Variants in FRRS1L observed in about 807,000 individuals in gnomAD.
The protein encoded by FRRS1L is DOMON domain-containing protein FRRS1L.
In FRRS1L, 22 loss-of-function variants were observed where a neutral mutation model predicts 28.6. That is an observed-to-expected ratio of 0.77 (90% CI 0.55 to 1.10). The LOEUF (loss-of-function observed/expected upper bound fraction) is 1.10. Among genes scored for constraint, FRRS1L ranks in the 50% least tolerant of loss-of-function variants. The pLI, the probability that FRRS1L is intolerant of heterozygous loss-of-function variation, is 0.00. For synonymous variants in FRRS1L, 158 were observed against 151.4 expected (o/e 1.04, Z -0.32); for missense variants, 380 against 386.9 (o/e 0.98, Z 0.15).
intron 4 of FRRS1L, chr9:109,139,092 G>A (rs7860532): frequency 0.16 from 23,884 of 152,138 alleles, 2,038 homozygotes; most frequent in East Asian, 0.34. Context: ...CCAGCTACTC[G>A]GGAGGCTGAG....
In FRRS1L at chr9:109,166,950, G is replaced by A. The variant is rs1052826149; in HGVS notation, c.189C>T (p.Tyr63=). The change falls in exon 1 of 5, where the codon TAC becomes TAT. Residue 63 remains tyrosine, a synonymous_variant. Transcript: ENST00000561981. The stretch of plus-strand genomic sequence containing the variant: ...CGTAGAACTCCCCCGCGAAGGTGCC[G>A]TAGGAGGAGTCGTGGCGCGGCACCG... ...DEAVPRHDSS[Y]GTFAGEFYDL... The A allele has an allele frequency of 3.1e-4, 427 of 1,356,994 alleles. No homozygotes were observed. The highest frequency in any genetic ancestry group is 3.7e-4 in the Non-Finnish European group (388 of 1,045,554). 84.1% of individuals were successfully genotyped at this position (1,356,994 alleles called of 1,614,324 possible). A position where few individuals can be genotyped will look rare whatever the true frequency, so the allele number is the denominator to read the frequency against.
chr9:109,141,261 C>A (rs749534692), intron 4 of FRRS1L, 82 bp downstream of exon 4: 51 of 1,498,586 alleles, frequency 3.4e-5, no homozygotes, highest in Non-Finnish European at 4.6e-5. Flanking sequence ...CTCTCTTGTG[C>A]ACACAGTGTG....
intron 1 of FRRS1L, among the ~76,000 whole-genome samples, chr9:109,156,407 G>A (rs1259885375): frequency 6.6e-6 from 1 of 150,780 alleles, no homozygotes; most frequent in Non-Finnish European, 1.5e-5. Flanking sequence ...TCTTTTTTTT[G>A]AGATGGAGTC....
chr9:109,151,086 G>A (rs1467038316), intron 1 of FRRS1L: 1 of 151,984 alleles, frequency 6.6e-6, no homozygotes, highest in Non-Finnish European at 1.5e-5. Context: ...ACACTTTTCT[G>A]GCACACTTCT....
Position 109,131,481 on chromosome 9 carries a change from G to A in FRRS1L, c.*5974C>T, listed in dbSNP as rs1831055826. 6.6e-6 allele frequency: 1 copy of A among 152,172 alleles called. No homozygotes were observed. Among genetic ancestry groups the A allele is most frequent in the South Asian group, 2.1e-4 (1 of 4,830 alleles). 9.4% of individuals were successfully genotyped at this position (152,172 alleles called of 1,614,324 possible). ...TTGACAAAGACCTTCAAATGCTCATGGTGTGTATATTCAGGCCTTTGTGTA... is the reference window on the plus strand; with the variant it reads ...TTGACAAAGACCTTCAAATGCTCATAGTGTGTATATTCAGGCCTTTGTGTA... On this transcript the variant is annotated 3_prime_UTR_variant, in exon 5 of 5. Transcript: ENST00000561981.
At position 109,162,041 on chromosome 9, in the gene FRRS1L, C is replaced by T. The variant is rs146517859; in HGVS notation, c.238+4860G>A. Among the ~76,000 whole-genome samples the T allele has an allele frequency of 4.5e-3, 689 of 152,330 alleles. 3 individuals are homozygous for T. Among genetic ancestry groups the T allele is most frequent in the South Asian group, 0.017 (81 of 4,828 alleles). ...CAAAAATACCCAACTCTAGGCCAGA[C>T]ATGGTGGCTCACGCATGTAATTCCA... is the stretch of plus-strand genomic sequence containing the variant. On this transcript the variant is annotated intron_variant, in intron 1 of 4. Coordinates refer to ENST00000561981, the MANE Select transcript of FRRS1L (RefSeq NM_014334.4).
chr9:109,161,497 T>C (rs920569028), intron 1 of FRRS1L, among the ~76,000 whole-genome samples: 4 of 152,192 alleles, frequency 2.6e-5, no homozygotes, highest in Admixed American at 2.6e-4. Flanking sequence ...CCTCCTTTCC[T>C]CTCTATTATT....
rs1564238035 is a variant in FRRS1L, at chr9:109,166,962, G to A, written c.177C>T (p.His59=). 3 of 1,344,698 alleles carry A rather than the reference G, an allele frequency of 2.2e-6. No homozygotes were observed. The highest frequency in any genetic ancestry group is 2.9e-6 in the Non-Finnish European group (3 of 1,039,352). 83.3% of individuals were successfully genotyped at this position (1,344,698 alleles called of 1,614,324 possible). A position where few individuals can be genotyped will look rare whatever the true frequency, so the allele number is the denominator to read the frequency against. ...CCGCGAAGGTGCCGTAGGAGGAGTC[G>A]TGGCGCGGCACCGCCTCGTCGGCGC... ...DTGADEAVPR[H]DSSYGTFAGE... The change falls in exon 1 of 5, where the codon CAC becomes CAT. Residue 59 remains histidine (H), a synonymous_variant. Transcript: ENST00000561981.
At chr9:109,159,645 G>A (rs974923818) in intron 1 of FRRS1L, among the ~76,000 whole-genome samples, 10 of 152,162 alleles carry the variant, frequency 6.6e-5, no homozygotes, top group Non-Finnish European at 1.5e-4. Context: ...GTGACAGAGC[G>A]AGACTCTGTC....
At chr9:109,138,437 T>G (rs1831140928) in intron 4 of FRRS1L, 2 of 152,214 alleles carry the variant, frequency 1.3e-5, no homozygotes, top group Admixed American at 6.5e-5. Context: ...ATACATTCAG[T>G]GCAAAGGTCT....
At chr9:109,145,934 G>A (rs1831254319) in intron 3 of FRRS1L, among the ~76,000 whole-genome samples, 1 of 152,190 alleles carries the variant, frequency 6.6e-6, no homozygotes, top group Non-Finnish European at 1.5e-5. Flanking sequence ...GGTGGCTCAT[G>A]CCTGTAATCC....
In FRRS1L at chr9:109,130,759, C is replaced by T. The variant is rs1026331968; in HGVS notation, c.*6696G>A. The stretch of plus-strand genomic sequence containing the variant: ...AGCATGTCTGTGGAAATAAGGCATC[C>T]GGAGAAGCTGCATTCACTCTTCCCC... On this transcript the variant is annotated 3_prime_UTR_variant, in exon 5 of 5. Coordinates refer to ENST00000561981, the MANE Select transcript of FRRS1L (RefSeq NM_014334.4). 2 of 152,166 alleles carry T rather than the reference C, an allele frequency of 1.3e-5. No individual in the cohort carries two copies. The highest frequency in any genetic ancestry group is 2.4e-5 in the African/African-American group (1 of 41,442). 9.4% of individuals were successfully genotyped at this position (152,166 alleles called of 1,614,324 possible).
chr9:109,150,697 C>T (rs1831320845), intron 1 of FRRS1L: 1 of 152,160 alleles, frequency 6.6e-6, no homozygotes, highest in Non-Finnish European at 1.5e-5. Context: ...TATAAGATTA[C>T]TTACCACCAT....
At chr9:109,157,441 C>G (rs2118503477) in intron 1 of FRRS1L, among the ~76,000 whole-genome samples, 1 of 152,280 alleles carries the variant, frequency 6.6e-6, no homozygotes, top group East Asian at 1.9e-4. Context: ...GGCTAGAGTG[C>G]AGTGGCACAA....
At chr9:109,156,689 G>GTTT (rs57521762) in intron 1 of FRRS1L, among the ~76,000 whole-genome samples, 1,435 of 133,484 alleles carry the variant, frequency 0.011, 38 homozygotes, top group African/African-American at 0.036. Flanking sequence ...GCACCTGGAT[G>GTTT]TTTTTTTTTT....
intron 3 of FRRS1L, among the ~76,000 whole-genome samples, chr9:109,145,567 A>G (rs1831248019): frequency 6.6e-6 from 1 of 151,948 alleles, no homozygotes; most frequent in Non-Finnish European, 1.5e-5. Context: ...TGTTTTTTGT[A>G]TTACAGGTGG....
chr9:109,134,260 A>G lies in FRRS1L; in HGVS notation c.*3195T>C, dbSNP rs991707753. On this transcript the variant is annotated 3_prime_UTR_variant, in exon 5 of 5. Transcript: ENST00000561981. ...ATATGGATAAATATCTGCTACAATGATGAGTAATGGTCTCTGCATTAGGGA... is the reference window on the plus strand; with the variant it reads ...ATATGGATAAATATCTGCTACAATGGTGAGTAATGGTCTCTGCATTAGGGA... 1 of 152,224 alleles carries G rather than the reference A, an allele frequency of 6.6e-6. No homozygotes were observed. Among genetic ancestry groups the G allele is most frequent in the African/African-American group, 2.4e-5 (1 of 41,466 alleles). The allele number at this position is 152,224 out of a possible 1,614,324, so 9.4% of individuals were successfully genotyped here.
At chr9:109,149,968 G>A in intron 1 of FRRS1L, 1 of 379,724 alleles carries the variant, frequency 2.6e-6, no homozygotes, top group East Asian at 4.7e-5. Context: ...AGAGGAACCT[G>A]GGGCACTGAG....
intron 3 of FRRS1L, among the ~76,000 whole-genome samples, chr9:109,142,568 A>G (rs1831201181): frequency 1.3e-5 from 2 of 152,278 alleles, no homozygotes; most frequent in South Asian, 2.1e-4. Context: ...CATCCCAACA[A>G]TGTGGGAAGT....
Sources: gnomAD v4.1 joint callset for allele counts (sites outside exome capture counted in the v4.1 genomes callset) on GRCh38, gnomAD v4.1.1 for gene constraint, MANE v1.5 for transcripts, NCBI Gene and HGNC (gene_info 2026-07-23, HGNC 2026-07-21) for gene names.